The following AFF3 variants were observed in gnomAD, a reference collection of about 807,000 sequenced individuals.
AFF3 encodes AF4/FMR2 family member 3.
AFF3 carries 32 observed loss-of-function variants against 129.7 expected under a neutral mutation model. The observed-to-expected ratio is 0.25, with a 90% CI of 0.19 to 0.33. The LOEUF (loss-of-function observed/expected upper bound fraction) is 0.33. Ranked by LOEUF, AFF3 falls within the 10% of genes least tolerant of loss-of-function variation. AFF3 has a pLI of 1.00. For missense variants in AFF3, 1,373 were observed against 1,592.0 expected (o/e 0.86, Z 2.34); for synonymous variants, 644 against 635.4 (o/e 1.01, Z -0.20).
chr2:100,048,948 A>G (rs947774613), intron 4 of AFF3, among the ~76,000 whole-genome samples: 25 of 152,312 alleles, frequency 1.6e-4, no homozygotes, highest in Non-Finnish European at 3.1e-4. Context: ...TTTTAAAATA[A>G]AAAAGACATG....
intron 12 of AFF3, 89 bp from the exon 13 acceptor site, chr2:99,649,755 A>C (rs1292279377): frequency 4.7e-6 from 7 of 1,476,708 alleles, no homozygotes; most frequent in Non-Finnish European, 4.7e-6. Context: ...AGACCCCTGC[A>C]TTACACACAT....
At chr2:100,124,341 G>A (rs1262258324) in intron 2 of AFF3, among the ~76,000 whole-genome samples, 1 of 152,182 alleles carries the variant, frequency 6.6e-6, no homozygotes, top group Non-Finnish European at 1.5e-5. Context: ...AAGAAAGCTT[G>A]CCTAGGCACA....
intron 20 of AFF3, among the ~76,000 whole-genome samples, chr2:99,564,715 G>A (rs925405056): frequency 3.3e-5 from 5 of 152,126 alleles, no homozygotes; most frequent in African/African-American, 1.2e-4. Flanking sequence ...TGGACATGGT[G>A]GAAAATGTCT....
At chr2:99,919,303 T>A (rs1695698968) in intron 7 of AFF3, among the ~76,000 whole-genome samples, 1 of 152,158 alleles carries the variant, frequency 6.6e-6, no homozygotes, top group South Asian at 2.1e-4. Context: ...ACTAGATATA[T>A]AATTTTCACA....
intron 4 of AFF3, among the ~76,000 whole-genome samples, chr2:100,077,826 G>C (rs1250370430): frequency 6.6e-6 from 1 of 151,998 alleles, no homozygotes; most frequent in Non-Finnish European, 1.5e-5. Flanking sequence ...GGATAAACTA[G>C]AGGCCATTTA....
chr2:99,983,226 G>C (rs752040821), intron 7 of AFF3, among the ~76,000 whole-genome samples: 157 of 152,326 alleles, frequency 1.0e-3, no homozygotes, highest in Non-Finnish European at 1.0e-3. Flanking sequence ...CAAGTCATCA[G>C]CTACCAGCTA....
chr2:99,793,110 T>G (rs551033905), intron 8 of AFF3, among the ~76,000 whole-genome samples: 5 of 152,300 alleles, frequency 3.3e-5, no homozygotes, highest in African/African-American at 1.2e-4. Context: ...AAGGTGGATC[T>G]CTCATGAATG....
chr2:99,657,849 A>T (rs1017024193), intron 12 of AFF3, among the ~76,000 whole-genome samples: 1 of 152,242 alleles, frequency 6.6e-6, no homozygotes, highest in African/African-American at 2.4e-5. Flanking sequence ...ACATTATCTC[A>T]TAAGGTGGAT....
intron 11 of AFF3, among the ~76,000 whole-genome samples, chr2:99,684,526 T>C (rs1674854779): frequency 6.6e-6 from 1 of 152,192 alleles, no homozygotes; most frequent in Non-Finnish European, 1.5e-5. Flanking sequence ...GACTTCAATG[T>C]TCCATATTAA....
At chr2:99,627,561 G>A (rs1682711134) in intron 13 of AFF3, among the ~76,000 whole-genome samples, 1 of 152,178 alleles carries the variant, frequency 6.6e-6, no homozygotes, top group Non-Finnish European at 1.5e-5. Flanking sequence ...TTGCTGTGCA[G>A]AAGCTCTTTA....
chr2:99,822,108 T>C (rs1215277631), intron 8 of AFF3, among the ~76,000 whole-genome samples: 1 of 152,182 alleles, frequency 6.6e-6, no homozygotes, highest in Non-Finnish European at 1.5e-5. Flanking sequence ...ACTCCGTCTC[T>C]TACTCGCTGT....
rs555715574 is a variant in AFF3 at position 99,837,376 on chromosome 2, A to G, written c.921+101T>C. On this transcript the variant is annotated intron_variant, in intron 8 of 24. Transcript: ENST00000672756. Reference sequence around the variant, plus strand: ...TACTCTCAGAAAAGGTAAATGTCAAACCACAGACTATGGGCTCCTTTATCA... The same window carrying G: ...TACTCTCAGAAAAGGTAAATGTCAAGCCACAGACTATGGGCTCCTTTATCA... 46 of 1,161,144 alleles carry G rather than the reference A, an allele frequency of 4.0e-5. No individual in the cohort carries two copies. The Admixed American group carries it at 4.8e-4, about 12-fold the overall frequency. 71.9% of individuals were successfully genotyped at this position (1,161,144 alleles called of 1,614,324 possible).
chr2:99,652,738 C>T (rs1351448935), intron 12 of AFF3, among the ~76,000 whole-genome samples: 2 of 152,124 alleles, frequency 1.3e-5, no homozygotes, highest in Non-Finnish European at 2.9e-5. Context: ...GAATAGGGTG[C>T]TGAAAGAGAC....
chr2:99,819,316 T>C (rs918546245), intron 8 of AFF3, among the ~76,000 whole-genome samples: 1 of 152,252 alleles, frequency 6.6e-6, no homozygotes, highest in East Asian at 1.9e-4. Flanking sequence ...TTCTTTCCTA[T>C]AGCCAAGAAT....
chr2:99,923,585 A>T (rs1383716389), intron 7 of AFF3, among the ~76,000 whole-genome samples: 1 of 152,190 alleles, frequency 6.6e-6, no homozygotes, highest in Non-Finnish European at 1.5e-5. Flanking sequence ...ATGTAGAGTG[A>T]GGTCCAATGA....
intron 11 of AFF3, among the ~76,000 whole-genome samples, chr2:99,701,977 G>A (rs1000566422): frequency 1.3e-5 from 2 of 152,210 alleles, no homozygotes; most frequent in Non-Finnish European, 2.9e-5. Flanking sequence ...ATCCATCCAA[G>A]TTGTATGTAT....
At chr2:100,106,627 A>G in intron 2 of AFF3, 1 of 987,946 alleles carries the variant, frequency 1.0e-6, no homozygotes, top group South Asian at 4.7e-5. Flanking sequence ...TGAGGCCTGA[A>G]CAAGAAATGT....
chr2:100,040,659 G>A (rs1266870395), intron 4 of AFF3, among the ~76,000 whole-genome samples: 1 of 152,176 alleles, frequency 6.6e-6, no homozygotes, highest in African/African-American at 2.4e-5. Flanking sequence ...CCAGGGCTCT[G>A]GCACACCTGC....
chr2:99,624,165 G>C (rs991722440), intron 13 of AFF3, among the ~76,000 whole-genome samples: 4 of 152,026 alleles, frequency 2.6e-5, no homozygotes, highest in Non-Finnish European at 5.9e-5. Context: ...CCTTCTGAAG[G>C]CATCCAGTTC....
Sources: gnomAD v4.1 joint callset for allele counts (sites outside exome capture counted in the v4.1 genomes callset) on GRCh38, gnomAD v4.1.1 for gene constraint, MANE v1.5 for transcripts, NCBI Gene and HGNC (gene_info 2026-07-23, HGNC 2026-07-21) for gene names.